Variants in ORC3 observed in about 807,000 individuals in gnomAD.
ORC3 encodes the protein homolog of latheo, Drosophila.
Under a neutral mutation model 100.7 loss-of-function variants are expected in ORC3, and 78 were observed. The observed-to-expected ratio is 0.77, with a 90% CI of 0.65 to 0.94. The LOEUF is 0.94. Among genes scored for constraint, ORC3 ranks in the 40% least tolerant of loss-of-function variants. The pLI, the probability that ORC3 is intolerant of heterozygous loss-of-function variation, is 0.00. For synonymous variants in ORC3, 295 were observed against 289.3 expected, an observed-to-expected ratio of 1.02 and a Z score of -0.20; for missense variants, 789 against 823.9, an observed-to-expected ratio of 0.96 and a Z score of 0.52.
intron 11 of ORC3, among the ~76,000 whole-genome samples, chr6:87,629,930 G>T (rs1195350140): frequency 1.3e-5 from 2 of 152,030 alleles, no homozygotes; most frequent in African/African-American, 4.8e-5. Flanking sequence ...TGATGAGGTT[G>T]GAGATGACTA....
chr6:87,668,534 T>C (rs988001471), downstream of ORC3, among the ~76,000 whole-genome samples: 4 of 152,206 alleles, frequency 2.6e-5, no homozygotes, highest in African/African-American at 7.2e-5. Flanking sequence ...TCAGCCTGCA[T>C]AATCAAACCT....
At chr6:87,613,245 A>G (rs1318833543) in intron 8 of ORC3, among the ~76,000 whole-genome samples, 1 of 152,182 alleles carries the variant, frequency 6.6e-6, no homozygotes, top group Non-Finnish European at 1.5e-5. Context: ...GCAGCAGGCA[A>G]AGTGAGAGAG....
At chr6:87,676,920 C>T in the ORC3 span, among the ~76,000 whole-genome samples, 2 of 149,482 alleles carry the variant, frequency 1.3e-5, no homozygotes, top group Non-Finnish European at 3.0e-5. Flanking sequence ...ACTAAAAATA[C>T]AAGAAAATTA....
intron 8 of ORC3, among the ~76,000 whole-genome samples, chr6:87,613,963 T>C (rs1464226385): frequency 6.6e-6 from 1 of 151,880 alleles, no homozygotes; most frequent in Non-Finnish European, 1.5e-5. Flanking sequence ...GTGTAGAGGA[T>C]GGTAGCCCTT....
At chr6:87,618,979 T>A (rs1779354850) in intron 9 of ORC3, among the ~76,000 whole-genome samples, 1 of 152,292 alleles carries the variant, frequency 6.6e-6, no homozygotes. Flanking sequence ...AAAGATTTTG[T>A]GCTCAGGAGA....
At chr6:87,657,364 C>T (rs6931069) in intron 15 of ORC3, among the ~76,000 whole-genome samples, 88,179 of 152,044 alleles carry the variant, frequency 0.58, 25,902 homozygotes, top group Admixed American at 0.66. Context: ...TAGTTACTTT[C>T]CTTGATTTTT....
At chr6:87,677,673 G>A in the ORC3 span, 4 of 968,410 alleles carry the variant, frequency 4.1e-6, no homozygotes, top group East Asian at 1.0e-4. Flanking sequence ...GCTATAAGAA[G>A]GTTAATTTTC....
chr6:87,609,263 C>G, intron 7 of ORC3, 34 bp downstream of exon 7: 1 of 1,473,704 alleles, frequency 6.8e-7, no homozygotes, highest in Non-Finnish European at 9.1e-7. Context: ...TTATGAAAAA[C>G]TCCCTTTTTA....
intron 14 of ORC3, among the ~76,000 whole-genome samples, chr6:87,656,421 C>T (rs1357835996): frequency 6.6e-6 from 1 of 152,088 alleles, no homozygotes; most frequent in Non-Finnish European, 1.5e-5. Flanking sequence ...AACCCCTTCT[C>T]TACTAAAAAT....
chr6:87,598,395 A>G (rs566334215), intron 2 of ORC3, among the ~76,000 whole-genome samples: 27 of 152,310 alleles, frequency 1.8e-4, no homozygotes, highest in African/African-American at 5.8e-4. Context: ...ATATATAAGG[A>G]TACTTAGACA....
Position 87,610,543 on chromosome 6 carries a change from T to A in ORC3, c.713+1314T>A, listed in dbSNP as rs1287978483. Among the ~76,000 whole-genome samples the A allele has an allele frequency of 6.7e-5, 10 of 149,186 alleles. 1 individual carries two copies. The highest frequency in any genetic ancestry group is 3.9e-4 in the East Asian group (2 of 5,136). Reference sequence around the variant, plus strand: ...GCTAATTTACTAATATACTTTATTTTTTTTTATTTTTTATTTTTTTTGAGA... The same window carrying A: ...GCTAATTTACTAATATACTTTATTTATTTTTATTTTTTATTTTTTTTGAGA... On this transcript the variant is annotated intron_variant, in intron 7 of 19. Transcript: ENST00000392844.
intron 8 of ORC3, 48 bp downstream of exon 8, chr6:87,612,296 C>T (rs749114057): frequency 1.2e-5 from 16 of 1,318,364 alleles, no homozygotes; most frequent in Non-Finnish European, 1.7e-5. Context: ...AAGAAAACTG[C>T]CAATAATAGA....
At chr6:87,633,504 A>G (rs1424844654) in intron 11 of ORC3, among the ~76,000 whole-genome samples, 1 of 152,232 alleles carries the variant, frequency 6.6e-6, no homozygotes, top group Non-Finnish European at 1.5e-5. Flanking sequence ...TTAATCTGCC[A>G]TGTGCTTTCA....
Position 87,612,204 on chromosome 6 carries a change from C to G in ORC3, c.829C>G (p.Gln277Glu). ...VSSLLCIELFQSLSCKEHLTT... is the reference protein window; with the variant it reads ...VSSLLCIELFESLSCKEHLTT... ...ATCTCTATTGTGCATAGAACTGTTCCAATCTTTGTCTTGTAAGGAGCACCT... is the reference window on the plus strand; with the variant it reads ...ATCTCTATTGTGCATAGAACTGTTCGAATCTTTGTCTTGTAAGGAGCACCT... The change falls in exon 8 of 20, where the codon CAA (glutamine) becomes GAA (glutamate). Residue 277 changes from glutamine (Q) to glutamate (E), a missense_variant. Gln to Glu is a conservative substitution (Grantham distance 29). This residue lies in a region of ORC3 where 399 missense variants were observed against 382.0 expected (regional missense o/e 1.04). Coordinates refer to ENST00000392844, the MANE Select transcript of ORC3 (RefSeq NM_012381.4). The G allele has an allele frequency of 6.2e-7, 1 of 1,611,946 alleles. No homozygotes were observed. The highest frequency in any genetic ancestry group is 8.5e-7 in the Non-Finnish European group (1 of 1,179,128).
chr6:87,614,751 C>T (rs1311012095), intron 8 of ORC3, among the ~76,000 whole-genome samples: 2 of 152,180 alleles, frequency 1.3e-5, no homozygotes, highest in African/African-American at 4.8e-5. Flanking sequence ...ACCTTTGCTC[C>T]AGTTTCCAAC....
chr6:87,611,123 G>A (rs910547068), intron 7 of ORC3, among the ~76,000 whole-genome samples: 4 of 151,540 alleles, frequency 2.6e-5, no homozygotes, highest in Non-Finnish European at 5.9e-5. Context: ...TTTTTGTAGA[G>A]ATGGGGTTTT....
At chr6:87,610,962 G>A (rs1778719628) in intron 7 of ORC3, among the ~76,000 whole-genome samples, 1 of 140,308 alleles carries the variant, frequency 7.1e-6, no homozygotes, top group African/African-American at 2.7e-5. Context: ...TTTGAGACAG[G>A]GTCTGGCTCT....
intron 11 of ORC3, among the ~76,000 whole-genome samples, chr6:87,625,987 G>A (rs1779871870): frequency 6.6e-6 from 1 of 152,168 alleles, no homozygotes. Flanking sequence ...TCAAAGATCA[G>A]ATGGTTGTAG....
chr6:87,658,350 G>A (rs1015222101), intron 16 of ORC3, among the ~76,000 whole-genome samples: 3 of 151,958 alleles, frequency 2.0e-5, no homozygotes, highest in South Asian at 2.1e-4. Flanking sequence ...CCAGCTACTC[G>A]GGAGGCTGAG....
Sources: gnomAD v4.1 joint callset for allele counts (sites outside exome capture counted in the v4.1 genomes callset) on GRCh38, gnomAD v4.1.1 for gene constraint, gnomAD v4.1.1 regional missense constraint, MANE v1.5 for transcripts, NCBI Gene and HGNC (gene_info 2026-07-23, HGNC 2026-07-21) for gene names.